Variants in ATP9B observed in about 807,000 individuals in gnomAD.
ATP9B encodes the protein ATPase phospholipid transporting 9B.
Under a neutral mutation model 146.1 loss-of-function variants are expected in ATP9B, and 110 were observed. That is an observed-to-expected ratio of 0.75 (90% CI 0.65 to 0.88). The LOEUF is 0.88. Ranked by LOEUF, ATP9B falls within the 40% of genes least tolerant of loss-of-function variation. ATP9B has a pLI of 0.00. For synonymous variants in ATP9B, 604 were observed against 569.7 expected (o/e 1.06, Z -0.86); for missense variants, 1,499 against 1,496.4 (o/e 1.00, Z -0.03).
chr18:79,088,231 G>A (rs1280646408), intron 1 of ATP9B, among the ~76,000 whole-genome samples: 3 of 152,094 alleles, frequency 2.0e-5, no homozygotes, highest in Non-Finnish European at 2.9e-5. Flanking sequence ...AAACTTGATA[G>A]GATTGTGACT....
At chr18:79,332,699 C>T (rs892995239) in intron 17 of ATP9B, 9 of 152,184 alleles carry the variant, frequency 5.9e-5, no homozygotes, top group African/African-American at 2.2e-4. Context: ...GCTGTTCAAA[C>T]CCATGTTGTT....
intron 5 of ATP9B, among the ~76,000 whole-genome samples, chr18:79,128,052 C>CTTTT (rs1173565651): frequency 2.2e-3 from 161 of 71,728 alleles, no homozygotes; most frequent in African/African-American, 3.2e-3. Flanking sequence ...CCTTTGCCGA[C>CTTTT]TTTTTTTTTT....
At chr18:79,119,365 G>A (rs1276510978) in intron 4 of ATP9B, among the ~76,000 whole-genome samples, 9 of 152,080 alleles carry the variant, frequency 5.9e-5, no homozygotes, top group South Asian at 2.1e-4. Flanking sequence ...ACGAGAAAAC[G>A]TTTCTCTGTT....
At chr18:79,327,408 G>A (rs1012558008) in intron 15 of ATP9B, among the ~76,000 whole-genome samples, 3 of 152,058 alleles carry the variant, frequency 2.0e-5, no homozygotes, top group Non-Finnish European at 4.4e-5. Flanking sequence ...TGCTGCAGTG[G>A]TGTGGGACGT....
chr18:79,167,751 G>A (rs1277715700), intron 7 of ATP9B, among the ~76,000 whole-genome samples: 1 of 152,140 alleles, frequency 6.6e-6, no homozygotes, highest in Non-Finnish European at 1.5e-5. Flanking sequence ...CCTCACTTCC[G>A]GCAGTGGACC....
Position 79,110,247 on chromosome 18 carries a change from G to A in ATP9B, c.294-108G>A, listed in dbSNP as rs2075915600. 7 of 1,081,966 alleles carry A rather than the reference G, an allele frequency of 6.5e-6. No homozygotes were observed. In the East Asian group the frequency reaches 1.4e-4, roughly 22 times the overall value. The allele number at this position is 1,081,966 out of a possible 1,614,324, so 67.0% of individuals were successfully genotyped here. On this transcript the variant is annotated intron_variant, in intron 2 of 29. Coordinates refer to ENST00000426216, the MANE Select transcript of ATP9B (RefSeq NM_198531.5). ...TTAGCATTAGGTGTGCTATTAGTGT[G>A]TGGTGAATACAGAAACAATCAATAT...
rs1241354486 is a variant in ATP9B at position 79,075,381 on chromosome 18, C to T, written c.119+5852C>T. Among the ~76,000 whole-genome samples the T allele has an allele frequency of 3.3e-5, 5 of 152,292 alleles. No individual in the cohort carries two copies. The East Asian group carries it at 5.8e-4, about 18-fold the overall frequency. On this transcript the variant is annotated intron_variant, in intron 1 of 29. Transcript: ENST00000426216. ...GACTTGAACTCCTGGGCTCAGTGAT[C>T]GCCTTCTGTCGGCCTTCCAAAGTGC...
At chr18:79,258,482 T>C (rs2096107126) in intron 12 of ATP9B, among the ~76,000 whole-genome samples, 1 of 152,214 alleles carries the variant, frequency 6.6e-6, no homozygotes, top group Admixed American at 6.5e-5. Context: ...TCTGTAATCC[T>C]GCTGTCTCCA....
chr18:79,341,187 G>T (rs996181002), intron 19 of ATP9B, among the ~76,000 whole-genome samples: 1 of 150,554 alleles, frequency 6.6e-6, no homozygotes, highest in Non-Finnish European at 1.5e-5. Context: ...TTTAATTGTG[G>T]TTGGATGTGT....
intron 9 of ATP9B, among the ~76,000 whole-genome samples, chr18:79,198,532 G>A (rs531594906): frequency 6.6e-6 from 1 of 152,266 alleles, no homozygotes; most frequent in Admixed American, 6.5e-5. Flanking sequence ...TCGTCATTGT[G>A]CAAACATGAT....
chr18:79,076,824 A>AT (rs1283979417), intron 1 of ATP9B, among the ~76,000 whole-genome samples: 1 of 151,750 alleles, frequency 6.6e-6, no homozygotes, highest in Admixed American at 6.6e-5. Flanking sequence ...GTTTCTGCTC[A>AT]TTTTTTCTAA....
rs780284028 is a variant in ATP9B at position 79,126,409 on chromosome 18, G to T, written c.667+34G>T. ...GATGCTTTAATCCTGCTTAGCGTTT[G>T]CTTACTGTAATTATCATTTTAGAGT... On this transcript the variant is annotated intron_variant, in intron 5 of 29. Transcript: ENST00000426216. The T allele has an allele frequency of 4.9e-6, 7 of 1,433,992 alleles. No individual in the cohort carries two copies. In the African/African-American group the frequency reaches 9.8e-5, roughly 20 times the overall value. 88.8% of individuals were successfully genotyped at this position (1,433,992 alleles called of 1,614,324 possible). A position where few individuals can be genotyped will look rare whatever the true frequency, so the allele number is the denominator to read the frequency against.
At chr18:79,284,702 A>G (rs2096415865) in intron 13 of ATP9B, among the ~76,000 whole-genome samples, 1 of 28,728 alleles carries the variant, frequency 3.5e-5, no homozygotes, top group African/African-American at 2.0e-4. Context: ...TACATGTGCC[A>G]TGCTGTGTGC....
intron 2 of ATP9B, among the ~76,000 whole-genome samples, chr18:79,097,526 TC>T (rs1178331814): frequency 1.3e-5 from 1 of 74,290 alleles, no homozygotes; most frequent in East Asian, 5.0e-4. Flanking sequence ...CCCTCCCCCC[TC>T]CCCCCTCCCC....
chr18:79,077,579 A>G (rs546572789), intron 1 of ATP9B, among the ~76,000 whole-genome samples: 25 of 152,328 alleles, frequency 1.6e-4, no homozygotes, highest in Middle Eastern at 3.4e-3. Context: ...GTTAAATACA[A>G]TGTACCAGAG....
chr18:79,363,452 A>G (rs540924998), intron 26 of ATP9B: 1 of 152,314 alleles, frequency 6.6e-6, no homozygotes, highest in African/African-American at 2.4e-5. Context: ...GCATAAACAG[A>G]TGTTCCTGGA....
intron 2 of ATP9B, among the ~76,000 whole-genome samples, chr18:79,109,604 C>T (rs546624907): frequency 8.7e-4 from 128 of 146,546 alleles, no homozygotes; most frequent in African/African-American, 3.1e-3. Flanking sequence ...CTCACTCTTT[C>T]GCCCAGGCTG....
Position 79,201,396 on chromosome 18 carries a change from G to C in ATP9B, c.955-5541G>C, listed in dbSNP as rs2095486496. ...TATCCACTTATCTTCCTTTTTTATA[G>C]TGTAATATACATAAGACAAAATATC... On this transcript the variant is annotated intron_variant, in intron 9 of 29. Transcript: ENST00000426216. Among the ~76,000 whole-genome samples, 2 of 152,128 alleles carry C rather than the reference G, an allele frequency of 1.3e-5. 1 individual carries two copies. Among genetic ancestry groups the C allele is most frequent in the South Asian group, 4.1e-4 (2 of 4,826 alleles).
intron 13 of ATP9B, among the ~76,000 whole-genome samples, chr18:79,284,972 A>G (rs566680200): frequency 6.6e-6 from 1 of 152,310 alleles, no homozygotes; most frequent in South Asian, 2.1e-4. Flanking sequence ...CTGGCTGCAT[A>G]GTATTCCATG....
Sources: gnomAD v4.1 joint callset for allele counts (sites outside exome capture counted in the v4.1 genomes callset) on GRCh38, gnomAD v4.1.1 for gene constraint, MANE v1.5 for transcripts, NCBI Gene and HGNC (gene_info 2026-07-23, HGNC 2026-07-21) for gene names.